The following LIPM variants were observed in gnomAD, a reference collection of about 807,000 sequenced individuals.
LIPM encodes the protein lipase member M.
A neutral mutation model predicts 42.4 loss-of-function variants in LIPM; 42 were observed. The ratio of observed to expected loss-of-function variants is 0.99; its 90% CI spans 0.77 to 1.28. LIPM has a LOEUF of 1.28. LIPM is among the 50% of genes most tolerant of loss of function. The pLI, the probability that LIPM is intolerant of heterozygous loss-of-function variation, is 0.00. For missense variants in LIPM, 524 were observed against 520.1 expected (o/e 1.01, Z -0.07); for synonymous variants, 177 against 173.3 (o/e 1.02, Z -0.17).
Position 88,808,363 on chromosome 10 carries a change from T to C in LIPM, c.213T>C (p.Tyr71=). The C allele has an allele frequency of 6.4e-7, 1 of 1,551,662 alleles. No homozygotes were observed. The change falls in exon 2 of 9, where the codon TAT becomes TAC. Residue 71 remains tyrosine, a synonymous_variant. Transcript: ENST00000404743. The part of the protein sequence containing the change: ...EEYEVATEDG[Y]ILSVNRIPRG... ...ATGAAGTCGCAACTGAAGATGGGTA[T>C]ATCCTTTCTGTTAACAGGATTCCTC...
intron 6 of LIPM, among the ~76,000 whole-genome samples, chr10:88,816,560 C>T (rs1843720304): frequency 6.6e-6 from 1 of 151,880 alleles, no homozygotes; most frequent in African/African-American, 2.4e-5. Flanking sequence ...TCCTAAATAT[C>T]ACTAGTAAAA....
At position 88,813,041 on chromosome 10, in the gene LIPM, G is replaced by A. The variant is rs965527038; in HGVS notation, c.266-56G>A. On this transcript the variant is annotated intron_variant, in intron 2 of 8. Coordinates refer to ENST00000404743, the MANE Select transcript of LIPM (RefSeq NM_001128215.1). ...GATTTGAAAGCTCTTATTCATTACT[G>A]GACAACAAGAAAGGGAGAGAACATT... 6.4e-6 allele frequency: 9 copies of A among 1,404,120 alleles called. 1 individual carries two copies. The highest frequency in any genetic ancestry group is 8.9e-6 in the Non-Finnish European group (9 of 1,013,784). 87.0% of individuals were successfully genotyped at this position (1,404,120 alleles called of 1,614,324 possible). A position where few individuals can be genotyped will look rare whatever the true frequency, so the allele number is the denominator to read the frequency against.
At chr10:88,817,122 A>C (rs1843727201) in intron 7 of LIPM, among the ~76,000 whole-genome samples, 1 of 152,206 alleles carries the variant, frequency 6.6e-6, no homozygotes, top group Non-Finnish European at 1.5e-5. Flanking sequence ...AAAAGTATGA[A>C]TTTAGATGAT....
chr10:88,814,983 C>T, intron 4 of LIPM, 105 bp from the exon 5 acceptor site: 2 of 1,008,600 alleles, frequency 2.0e-6, no homozygotes, highest in Non-Finnish European at 2.8e-6. Context: ...AGGTAAGATG[C>T]AGTCACATAT....
chr10:88,811,731 T>TC (rs1843658995), intron 2 of LIPM, among the ~76,000 whole-genome samples: 1 of 152,190 alleles, frequency 6.6e-6, no homozygotes, highest in African/African-American at 2.4e-5. Context: ...CCATTTATTT[T>TC]ATCATTATCT....
chr10:88,804,578 A>T (rs1459720226), intron 1 of LIPM, among the ~76,000 whole-genome samples: 1 of 152,128 alleles, frequency 6.6e-6, no homozygotes, highest in East Asian at 1.9e-4. Flanking sequence ...GGTGGTGAAA[A>T]AAAAACAGCA....
intron 8 of LIPM, 23 bp downstream of exon 8, chr10:88,817,919 G>T (rs1186981192): frequency 6.6e-7 from 1 of 1,518,926 alleles, no homozygotes; most frequent in Non-Finnish European, 8.9e-7. Context: ...AATACCATCT[G>T]CTGAAAATAT....
Position 88,815,082 on chromosome 10 carries a change from T to C in LIPM, c.575-6T>C. 6 of 1,528,164 alleles carry C rather than the reference T, an allele frequency of 3.9e-6. No individual in the cohort carries two copies. Among genetic ancestry groups the C allele is most frequent in the Non-Finnish European group, 5.3e-6 (6 of 1,140,216 alleles). 94.7% of individuals were successfully genotyped at this position (1,528,164 alleles called of 1,614,324 possible). A position where few individuals can be genotyped will look rare whatever the true frequency, so the allele number is the denominator to read the frequency against. On this transcript the variant is annotated splice_region_variant and splice_polypyrimidine_tract_variant and intron_variant, in intron 4 of 8. Coordinates refer to ENST00000404743, the MANE Select transcript of LIPM (RefSeq NM_001128215.1). ...TATTCATGTTGACATATTTCTTCTT[T>C]TGCAGGCTTTATTGCATTTTCCACC...
At position 88,806,126 on chromosome 10, in the gene LIPM, TGGGACCA is replaced by T. The variant is rs566345149; in HGVS notation, c.148-2170_148-2164del. 75 of 401,312 alleles carry T rather than the reference TGGGACCA, an allele frequency of 1.9e-4. No homozygotes were observed. The East Asian group carries it at 5.5e-3, about 29-fold the overall frequency. 24.9% of individuals were successfully genotyped at this position (401,312 alleles called of 1,614,324 possible). A position where few individuals can be genotyped will look rare whatever the true frequency, so the allele number is the denominator to read the frequency against. On this transcript the variant is annotated intron_variant, in intron 1 of 8. Transcript: ENST00000404743. ...ATCTGTTGACAGCACTTCCAGTGGATGGGACCAGTCCTTTATTGCCTGCATAAATTTT... is the reference window on the plus strand; with the variant it reads ...ATCTGTTGACAGCACTTCCAGTGGATGTCCTTTATTGCCTGCATAAATTTT...
In LIPM at chr10:88,813,209, C is replaced by T. The variant is rs779275665; in HGVS notation, c.378C>T (p.Asp126=). Residue 126 remains aspartate (D), a synonymous_variant, in exon 3 of 9, where the codon GAC becomes GAT. Coordinates refer to ENST00000404743, the MANE Select transcript of LIPM (RefSeq NM_001128215.1). ...LGFILADAGF[D]VWMGNSRGNA... ...TCATTCTGGCAGATGCTGGTTTTGA[C>T]GTGTGGATGGGGAACAGCAGGGGAA... is the stretch of plus-strand genomic sequence containing the variant. The T allele has an allele frequency of 1.4e-5, 22 of 1,613,500 alleles. No homozygotes were observed. Among genetic ancestry groups the T allele is most frequent in the East Asian group, 1.3e-4 (6 of 44,850 alleles).
chr10:88,805,742 T>A (rs961609859), intron 1 of LIPM, among the ~76,000 whole-genome samples: 5 of 152,234 alleles, frequency 3.3e-5, no homozygotes, highest in East Asian at 1.9e-4. Context: ...TCCATTTTTT[T>A]AAATAAGTAT....
chr10:88,817,937 G>T, intron 8 of LIPM, 41 bp downstream of exon 8: 20 of 1,361,256 alleles, frequency 1.5e-5, no homozygotes, highest in Non-Finnish European at 1.8e-5. Flanking sequence ...TATATACATT[G>T]GAAATGTATG....
intron 1 of LIPM, chr10:88,805,990 T>C (rs997947228): frequency 1.1e-5 from 5 of 456,500 alleles, no homozygotes; most frequent in African/African-American, 1.0e-4. Context: ...TGACCAGGCC[T>C]TTAGACCGCA....
Position 88,808,324 on chromosome 10 carries a change from T to C in LIPM, c.174T>C (p.Tyr58=). 1 of 1,550,790 alleles carries C rather than the reference T, an allele frequency of 6.4e-7. No individual in the cohort carries two copies. Among genetic ancestry groups the C allele is most frequent in the Non-Finnish European group, 8.7e-7 (1 of 1,146,152 alleles). ...NISEIIQHQG[Y]PCEEYEVATE... The stretch of plus-strand genomic sequence containing the variant: ...GTGAAATCATCCAACATCAAGGCTA[T>C]CCCTGTGAGGAATATGAAGTCGCAA... The change falls in exon 2 of 9, where the codon TAT becomes TAC. Residue 58 remains tyrosine (Y), a synonymous_variant. Coordinates refer to ENST00000404743, the MANE Select transcript of LIPM (RefSeq NM_001128215.1).
intron 4 of LIPM, among the ~76,000 whole-genome samples, 158 bp downstream of exon 4, chr10:88,814,797 T>C (rs571662348): frequency 7.4e-4 from 113 of 152,330 alleles, no homozygotes; most frequent in Middle Eastern, 6.8e-3. Context: ...TATAGACATA[T>C]GTGCTAGATA....
intron 2 of LIPM, among the ~76,000 whole-genome samples, chr10:88,810,984 A>G (rs1304457518): frequency 6.6e-6 from 1 of 152,230 alleles, no homozygotes; most frequent in Non-Finnish European, 1.5e-5. Flanking sequence ...GGAAAATCTA[A>G]AATAACACTG....
intron 2 of LIPM, among the ~76,000 whole-genome samples, chr10:88,809,951 G>T (rs77505987): frequency 0.015 from 2,216 of 152,132 alleles, 48 homozygotes; most frequent in African/African-American, 0.047. Context: ...TTCTTCCCTG[G>T]CCACCCTATT....
chr10:88,816,340 T>G (rs977478030), intron 6 of LIPM, among the ~76,000 whole-genome samples: 2 of 152,208 alleles, frequency 1.3e-5, no homozygotes, highest in Admixed American at 6.5e-5. Flanking sequence ...TCTTTAAGAT[T>G]AATAATTTGA....
At chr10:88,806,977 CTG>C (rs1843596423) in intron 1 of LIPM, among the ~76,000 whole-genome samples, 1 of 151,874 alleles carries the variant, frequency 6.6e-6, no homozygotes, top group Non-Finnish European at 1.5e-5. Flanking sequence ...GTGTGAGCCA[CTG>C]TGCCCGGCCT....
Sources: gnomAD v4.1 joint callset for allele counts (sites outside exome capture counted in the v4.1 genomes callset) on GRCh38, gnomAD v4.1.1 for gene constraint, MANE v1.5 for transcripts, NCBI Gene and HGNC (gene_info 2026-07-23, HGNC 2026-07-21) for gene names.